The following SORBS2 variants were observed in gnomAD, a reference collection of about 807,000 sequenced individuals.
SORBS2 encodes the protein sorbin and SH3 domain containing 2.
In SORBS2, 46 loss-of-function variants were observed where a neutral mutation model predicts 97.7. The observed-to-expected ratio is 0.47, with a 90% CI of 0.37 to 0.60. The LOEUF (loss-of-function observed/expected upper bound fraction) is 0.60. Among genes scored for constraint, SORBS2 ranks in the 20% least tolerant of loss-of-function variants. SORBS2 has a pLI of 0.00. For missense variants in SORBS2, 1,316 were observed against 1,282.3 expected, an observed-to-expected ratio of 1.03 and a Z score of -0.40; for synonymous variants, 476 against 473.4, an observed-to-expected ratio of 1.01 and a Z score of -0.07.
intron 12 of SORBS2, among the ~76,000 whole-genome samples, chr4:185,605,179 G>A (rs1437705809): frequency 6.6e-6 from 1 of 152,132 alleles, no homozygotes; most frequent in African/African-American, 2.4e-5. Flanking sequence ...AATTTGACTT[G>A]GATAGTAGCG....
intron 1 of SORBS2, among the ~76,000 whole-genome samples, chr4:185,874,073 CAT>C (rs2099231960): frequency 1.3e-5 from 2 of 152,114 alleles, no homozygotes; most frequent in African/African-American, 4.8e-5. Context: ...TAGTCTTAGA[CAT>C]GTGCACAAAT....
chr4:185,779,242 T>TA lies in SORBS2; in HGVS notation c.-337-3877dup, dbSNP rs370784422. 1.6e-3 allele frequency among the ~76,000 whole-genome samples: 239 copies of TA among 152,262 alleles called. 1 individual carries two copies. The highest frequency in any genetic ancestry group is 5.4e-3 in the African/African-American group (224 of 41,546). On this transcript the variant is annotated intron_variant, in intron 1 of 20. Transcript: ENST00000284776. ...GGGTTCGAATCCTCATCCTGCCACT[T>TA]ACGCGTGGCTGTGGCTGTAGGTCAC...
intron 4 of SORBS2, chr4:185,676,938 A>G: frequency 2.2e-6 from 3 of 1,394,668 alleles, no homozygotes; most frequent in African/African-American, 2.9e-5. Context: ...AAACCAAAGG[A>G]GTTAGGGTCT....
chr4:185,890,020 G>A (rs1029984018), intron 1 of SORBS2, among the ~76,000 whole-genome samples: 1 of 152,122 alleles, frequency 6.6e-6, no homozygotes, highest in Non-Finnish European at 1.5e-5. Flanking sequence ...CCAAGTAGCT[G>A]GGATTACAGG....
intron 12 of SORBS2, among the ~76,000 whole-genome samples, chr4:185,605,428 A>G (rs11132331): frequency 0.067 from 10,194 of 152,026 alleles, 611 homozygotes; most frequent in East Asian, 0.18. Flanking sequence ...GATTACAGGC[A>G]CCCAACACCA....
chr4:185,671,578 A>G (rs948653555), intron 4 of SORBS2, among the ~76,000 whole-genome samples: 7 of 152,226 alleles, frequency 4.6e-5, no homozygotes, highest in Non-Finnish European at 1.0e-4. Context: ...GTGCTGTAAT[A>G]GCTCTCAAAA....
intron 1 of SORBS2, among the ~76,000 whole-genome samples, chr4:185,828,663 C>T (rs375208218): frequency 6.6e-5 from 10 of 152,248 alleles, no homozygotes; most frequent in South Asian, 2.1e-4. Flanking sequence ...CACAGCAACA[C>T]GAGATCCTAA....
chr4:185,622,781 T>C (rs2096738572), intron 7 of SORBS2, 133 bp downstream of exon 19: 2 of 796,082 alleles, frequency 2.5e-6, no homozygotes, highest in East Asian at 2.5e-5. Context: ...GCACAACAAG[T>C]TTTTGCTTCA....
At chr4:185,924,293 C>T (rs1013108053) in intron 1 of SORBS2, among the ~76,000 whole-genome samples, 12 of 152,162 alleles carry the variant, frequency 7.9e-5, no homozygotes, top group Non-Finnish European at 1.3e-4. Flanking sequence ...AAGGAGGGAG[C>T]CTGCCTTAGA....
At chr4:185,705,307 C>T (rs2098327316) in intron 2 of SORBS2, among the ~76,000 whole-genome samples, 1 of 152,018 alleles carries the variant, frequency 6.6e-6, no homozygotes, top group African/African-American at 2.4e-5. Context: ...ATTATGTAAA[C>T]ACTGGACCTG....
At chr4:185,735,191 C>T (rs1191300036) in intron 2 of SORBS2, among the ~76,000 whole-genome samples, 1 of 152,134 alleles carries the variant, frequency 6.6e-6, no homozygotes, top group Non-Finnish European at 1.5e-5. Flanking sequence ...CTGGTGGGAA[C>T]TTGCCAGGGG....
chr4:185,916,437 C>G (rs1329317916), intron 1 of SORBS2, among the ~76,000 whole-genome samples: 1 of 152,182 alleles, frequency 6.6e-6, no homozygotes, highest in Non-Finnish European at 1.5e-5. Context: ...GTGCAAACCA[C>G]CCAGTCACCT....
chr4:185,919,971 A>G (rs1354605248), intron 1 of SORBS2, among the ~76,000 whole-genome samples: 1 of 152,272 alleles, frequency 6.6e-6, no homozygotes, highest in Non-Finnish European at 1.5e-5. Context: ...TTAGTATGCC[A>G]TCTTTCTTAT....
chr4:185,836,015 A>G (rs1397080730), intron 1 of SORBS2, among the ~76,000 whole-genome samples: 1 of 151,974 alleles, frequency 6.6e-6, no homozygotes, highest in Non-Finnish European at 1.5e-5. Flanking sequence ...AAATAAGTGA[A>G]TATTCACTTA....
intron 2 of SORBS2, among the ~76,000 whole-genome samples, chr4:185,683,977 C>A (rs946204677): frequency 2.6e-5 from 4 of 152,062 alleles, no homozygotes; most frequent in Admixed American, 6.6e-5. Context: ...AAATAAAAAA[C>A]AAGCAGTCCC....
Position 185,623,261 on chromosome 4 carries a change from T to C in SORBS2, c.1868A>G (p.Glu623Gly), listed in dbSNP as rs1238378288. 1 of 1,614,158 alleles carries C rather than the reference T, an allele frequency of 6.2e-7. No individual in the cohort carries two copies. The highest frequency in any genetic ancestry group is 2.2e-5 in the East Asian group (1 of 44,872). ...CACAGATGCTTTACATTTTGCCTTT[T>C]CAGTCTGTTTCTTAGGAGCCGAATT... Residue 623 changes from glutamate to glycine, a missense_variant, in exon 7 of 15, where the codon GAA becomes GGA. Glu to Gly is a moderately conservative substitution (Grantham distance 98). Coordinates refer to ENST00000418609, the Ensembl canonical transcript of SORBS2. This position sits in a 1 kb window ranked among gnomAD's most constrained non-coding sequence, Gnocchi z 6.4.
intron 2 of SORBS2, among the ~76,000 whole-genome samples, chr4:185,717,486 T>C (rs1214051703): frequency 6.6e-6 from 1 of 152,210 alleles, no homozygotes; most frequent in African/African-American, 2.4e-5. Flanking sequence ...CTTCTTCAAA[T>C]TGAGTCGTAT....
chr4:185,707,725 T>C (rs2098365583), intron 2 of SORBS2, among the ~76,000 whole-genome samples: 1 of 152,158 alleles, frequency 6.6e-6, no homozygotes. Flanking sequence ...CTCACAATCA[T>C]GGCAGAAGGC....
intron 1 of SORBS2, among the ~76,000 whole-genome samples, chr4:185,898,796 C>G (rs1438986173): frequency 6.6e-6 from 1 of 152,154 alleles, no homozygotes; most frequent in Non-Finnish European, 1.5e-5. Flanking sequence ...CCGTGAGCTT[C>G]ACTGTAGAGG....
Sources: allele counts gnomAD v4.1 joint callset (sites outside exome capture counted in the v4.1 genomes callset), GRCh38; gene constraint gnomAD v4.1.1; non-coding constraint Gnocchi (gnomAD v3.1); transcripts MANE v1.5; gene names NCBI Gene and HGNC (gene_info 2026-07-23, HGNC 2026-07-21).